The following IQCM variants were observed in gnomAD, a reference collection of about 807,000 sequenced individuals.
IQCM encodes IQ motif containing M.
In IQCM, 45 loss-of-function variants were observed where a neutral mutation model predicts 57.6. The ratio of observed to expected loss-of-function variants is 0.78; its 90% CI spans 0.62 to 1.00. The LOEUF is 1.00. Among genes scored for constraint, IQCM ranks in the 50% least tolerant of loss-of-function variants. The probability of loss-of-function intolerance (pLI) is 0.00; values close to 1 mark genes in which losing one functional copy is unlikely to be tolerated. For missense variants in IQCM, 468 were observed against 511.6 expected (o/e 0.91, Z 0.82); for synonymous variants, 148 against 158.9 (o/e 0.93, Z 0.51).
At chr4:149,753,563 C>T (rs1161166834) in intron 2 of IQCM, among the ~76,000 whole-genome samples, 1 of 151,508 alleles carries the variant, frequency 6.6e-6, no homozygotes, top group Non-Finnish European at 1.5e-5. Flanking sequence ...GATGAAATAA[C>T]AATGAAAAGA....
intron 3 of IQCM, among the ~76,000 whole-genome samples, chr4:149,736,988 A>T (rs1040651338): frequency 5.3e-5 from 8 of 152,224 alleles, no homozygotes; most frequent in African/African-American, 1.9e-4. Context: ...TGTACAATAA[A>T]CTACTACTTA....
At chr4:149,419,024 A>G (rs962950937) in intron 13 of IQCM, among the ~76,000 whole-genome samples, 2 of 152,196 alleles carry the variant, frequency 1.3e-5, no homozygotes, top group East Asian at 1.9e-4. Flanking sequence ...TTCCATGCTC[A>G]TGGAAAGGAA....
intron 12 of IQCM, among the ~76,000 whole-genome samples, chr4:149,530,190 T>C (rs985483847): frequency 6.6e-6 from 1 of 152,190 alleles, no homozygotes; most frequent in African/African-American, 2.4e-5. Context: ...TTAGTTTTCT[T>C]CATAGAACTT....
At chr4:149,707,777 A>T (rs1156424672) in intron 5 of IQCM, among the ~76,000 whole-genome samples, 1 of 151,946 alleles carries the variant, frequency 6.6e-6, no homozygotes, top group African/African-American at 2.4e-5. Context: ...ATACCCATGA[A>T]ACTGGCAGCA....
At chr4:149,428,811 T>C (rs1734629025) in intron 13 of IQCM, among the ~76,000 whole-genome samples, 2 of 151,870 alleles carry the variant, frequency 1.3e-5, no homozygotes, top group Admixed American at 1.3e-4. Flanking sequence ...AATCAGGTTC[T>C]AGTATTAATC....
chr4:149,579,187 T>C (rs1483892552), intron 9 of IQCM, among the ~76,000 whole-genome samples: 2 of 151,738 alleles, frequency 1.3e-5, no homozygotes, highest in Admixed American at 6.6e-5. Flanking sequence ...CCAGTTTTCC[T>C]CTTTCCCAGC....
chr4:149,430,551 A>G (rs2071675232), intron 13 of IQCM, among the ~76,000 whole-genome samples: 1 of 151,670 alleles, frequency 6.6e-6, no homozygotes, highest in South Asian at 2.1e-4. Context: ...TTCTGTCACT[A>G]CTCAGTTTGC....
At chr4:149,677,487 G>A (rs891809285) in intron 7 of IQCM, among the ~76,000 whole-genome samples, 2 of 151,966 alleles carry the variant, frequency 1.3e-5, no homozygotes, top group African/African-American at 4.8e-5. Flanking sequence ...TGAAAAGGAG[G>A]CAGTTGCCTG....
chr4:149,424,250 C>T (rs1373544426), intron 13 of IQCM, among the ~76,000 whole-genome samples: 5 of 151,816 alleles, frequency 3.3e-5, no homozygotes, highest in Admixed American at 2.0e-4. Context: ...AAAATGGCCT[C>T]ATTTCTCCTT....
chr4:149,672,403 T>A (rs372776887), intron 7 of IQCM, among the ~76,000 whole-genome samples: 1 of 152,118 alleles, frequency 6.6e-6, no homozygotes. Flanking sequence ...AGAGGCTAAC[T>A]AGAAGAAACA....
At chr4:149,438,575 C>A (rs79174040) in intron 12 of IQCM, among the ~76,000 whole-genome samples, 419 of 152,136 alleles carry the variant, frequency 2.8e-3, no homozygotes, top group African/African-American at 9.8e-3. Flanking sequence ...TGATGTCATA[C>A]TTTTTTGTCA....
chr4:149,678,598 A>G (rs572326351), intron 7 of IQCM, among the ~76,000 whole-genome samples: 3 of 151,836 alleles, frequency 2.0e-5, no homozygotes, highest in African/African-American at 7.2e-5. Context: ...TATAAAACCC[A>G]CTGGTAAAAT....
intron 8 of IQCM, among the ~76,000 whole-genome samples, chr4:149,605,968 T>C (rs1754741081): frequency 6.6e-6 from 1 of 152,198 alleles, no homozygotes; most frequent in African/African-American, 2.4e-5. Flanking sequence ...TGCTCCTGGA[T>C]GGTGTTTCTA....
At chr4:149,551,451 A>G (rs980547703) in intron 11 of IQCM, among the ~76,000 whole-genome samples, 3 of 152,228 alleles carry the variant, frequency 2.0e-5, no homozygotes, top group African/African-American at 7.2e-5. Context: ...CATGAAAAGA[A>G]AGTAAAGCTA....
chr4:149,814,695 G>A (rs1561304033), intron 2 of IQCM, among the ~76,000 whole-genome samples: 1 of 151,900 alleles, frequency 6.6e-6, no homozygotes, highest in Non-Finnish European at 1.5e-5. Flanking sequence ...TTAATTAACA[G>A]TTAAGATTAA....
At chr4:149,461,672 GA>G (rs1738306934) in intron 12 of IQCM, among the ~76,000 whole-genome samples, 1 of 147,694 alleles carries the variant, frequency 6.8e-6, no homozygotes, top group East Asian at 2.0e-4. Flanking sequence ...AAAAAAACAA[GA>G]AGAAGAAAGA....
chr4:149,762,602 C>G (rs1394842), intron 2 of IQCM, among the ~76,000 whole-genome samples: 17,474 of 152,022 alleles, frequency 0.11, 1,071 homozygotes, highest in African/African-American at 0.16. Flanking sequence ...AGGCTCTGCT[C>G]ATCTCTCCTC....
intron 2 of IQCM, among the ~76,000 whole-genome samples, chr4:149,759,211 G>C (rs1442958506): frequency 6.6e-6 from 1 of 152,172 alleles, no homozygotes; most frequent in Admixed American, 6.5e-5. Context: ...TCTGGAAAAA[G>C]CATAACTATT....
chr4:149,716,800 A>C lies in IQCM; in HGVS notation c.385+16444T>G, dbSNP rs140000784. ...AAAAGCTTGGAGTCATCTTCCTCTC[A>C]CATCCAAGTAACCAATTCATCAGAA... is the stretch of plus-strand genomic sequence containing the variant. On this transcript the variant is annotated intron_variant, in intron 5 of 13. Coordinates refer to ENST00000636793, the MANE Select transcript of IQCM (RefSeq NM_001363507.2). Among the ~76,000 whole-genome samples the C allele has an allele frequency of 3.3e-4, 51 of 152,316 alleles. 1 individual carries two copies. Among genetic ancestry groups the C allele is most frequent in the African/African-American group, 1.1e-3 (47 of 41,566 alleles).
Sources: gnomAD v4.1 joint callset for allele counts (sites outside exome capture counted in the v4.1 genomes callset) on GRCh38, gnomAD v4.1.1 for gene constraint, MANE v1.5 for transcripts, NCBI Gene and HGNC (gene_info 2026-07-23, HGNC 2026-07-21) for gene names.